Variants in FGF14 observed in about 807,000 individuals in gnomAD.
FGF14 encodes fibroblast growth factor homologous factor 4.
In FGF14, 5 loss-of-function variants were observed where a neutral mutation model predicts 25.5. The observed-to-expected ratio is 0.20, with a 90% CI of 0.10 to 0.41. The LOEUF is 0.41. FGF14 is among the 10% of genes least tolerant of loss of function. The pLI is 1.00. For synonymous variants in FGF14, 138 were observed against 118.3 expected (o/e 1.17, Z -1.08); for missense variants, 222 against 320.1 (o/e 0.69, Z 2.34).
Position 102,398,013 on chromosome 13 carries a change from A to AGTGTGTGTGT in FGF14, c.208+3448_208+3457dup, listed in dbSNP as rs3067869. ...CTGCTAGGAAAGTAGGACATTTAAG[A>AGTGTGTGTGT]GTGTGTGTGTGTGTGTGTGTGTGTG... is the stretch of plus-strand genomic sequence containing the variant. On this transcript the variant is annotated intron_variant, in intron 1 of 4. Coordinates refer to the FGF14 transcript ENST00000376131. Among the ~76,000 whole-genome samples, 1,120 of 147,238 alleles carry AGTGTGTGTGT rather than the reference A, an allele frequency of 7.6e-3. 5 individuals carry two copies. The highest frequency in any genetic ancestry group is 0.014 in the African/African-American group (562 of 39,984).
chr13:102,182,765 T>C (rs1022528096), intron 1 of FGF14, among the ~76,000 whole-genome samples: 1 of 152,184 alleles, frequency 6.6e-6, no homozygotes, highest in Non-Finnish European at 1.5e-5. Flanking sequence ...ATACTACATT[T>C]CTTGCCCAAT....
chr13:101,756,334 T>C (rs776992818), intron 3 of FGF14, among the ~76,000 whole-genome samples: 2 of 152,356 alleles, frequency 1.3e-5, no homozygotes, highest in African/African-American at 2.4e-5. Flanking sequence ...ATGAAAGTCA[T>C]TTGTACCTGA....
chr13:102,175,033 C>A (rs1431571794), intron 1 of FGF14, among the ~76,000 whole-genome samples: 1 of 152,078 alleles, frequency 6.6e-6, no homozygotes. Context: ...CTGCCCAAAG[C>A]AATCTGCAGA....
At position 101,760,746 on chromosome 13, in the gene FGF14, C is replaced by T. The variant is rs551062431; in HGVS notation, c.409-33936G>A. On this transcript the variant is annotated intron_variant, in intron 3 of 4. Transcript: ENST00000376143. ...TTCCTTCCAGCCTCCCTGGTATTCC[C>T]CGTCTTGCTTCCATTACTTTATTTT... Among the ~76,000 whole-genome samples, 17 of 152,300 alleles carry T rather than the reference C, an allele frequency of 1.1e-4. No individual in the cohort carries two copies. The South Asian group carries it at 2.5e-3, about 22-fold the overall frequency.
intron 3 of FGF14, among the ~76,000 whole-genome samples, chr13:101,836,984 T>C (rs2042955242): frequency 6.6e-6 from 1 of 152,118 alleles, no homozygotes; most frequent in Non-Finnish European, 1.5e-5. Flanking sequence ...TTAGACTTTC[T>C]TTTAGCATCT....
chr13:102,276,330 TAC>T (rs1279122309), intron 1 of FGF14, among the ~76,000 whole-genome samples: 1 of 56,080 alleles, frequency 1.8e-5, no homozygotes. Flanking sequence ...CACACACACG[TAC>T]GTGTGTGTGT....
At chr13:102,022,459 T>G (rs371820551) in intron 1 of FGF14, among the ~76,000 whole-genome samples, 1 of 152,216 alleles carries the variant, frequency 6.6e-6, no homozygotes, top group Non-Finnish European at 1.5e-5. Context: ...GATGGCATTA[T>G]CAACCTCCCT....
At chr13:101,848,527 G>T (rs2043583852) in intron 3 of FGF14, among the ~76,000 whole-genome samples, 1 of 152,050 alleles carries the variant, frequency 6.6e-6, no homozygotes, top group Non-Finnish European at 1.5e-5. Flanking sequence ...CAGCGAGAAT[G>T]AGGTTTAGAT....
At chr13:101,760,685 T>C (rs914053186) in intron 3 of FGF14, among the ~76,000 whole-genome samples, 6 of 152,346 alleles carry the variant, frequency 3.9e-5, no homozygotes, top group African/African-American at 1.4e-4. Context: ...TGAGCATCTA[T>C]TGCATGCTGA....
rs145104739 is a variant in FGF14, at chr13:102,086,582, A to G, written c.209-211286T>C. On this transcript the variant is annotated intron_variant, in intron 1 of 4. Transcript: ENST00000376131. Reference sequence around the variant, plus strand: ...TTTTATCAAAGCCTTTCATTTTCCAAATGAGAATTTAAGGTATTTTCTCAA... The same window carrying G: ...TTTTATCAAAGCCTTTCATTTTCCAGATGAGAATTTAAGGTATTTTCTCAA... Among the ~76,000 whole-genome samples the G allele has an allele frequency of 6.8e-4, 103 of 152,350 alleles. 1 individual carries two copies. The Middle Eastern group carries it at 0.014, about 20-fold the overall frequency.
chr13:102,005,391 A>T (rs147819222), intron 1 of FGF14, among the ~76,000 whole-genome samples: 23 of 152,318 alleles, frequency 1.5e-4, no homozygotes, highest in Admixed American at 7.8e-4. Context: ...CCAGCACCAT[A>T]CAAAACATTT....
rs553861686 is a variant in FGF14, at chr13:102,381,664, A to G, written c.208+19807T>C. The stretch of plus-strand genomic sequence containing the variant: ...GGATATTAATTTCTTGAAAGTGCTT[A>G]TATGTTTCACAAGAGTATTAATTTT... On this transcript the variant is annotated intron_variant, in intron 1 of 4. Coordinates refer to the FGF14 transcript ENST00000376131. 3.9e-5 allele frequency among the ~76,000 whole-genome samples: 6 copies of G among 152,332 alleles called. No individual in the cohort carries two copies. In the South Asian group the frequency reaches 1.0e-3, roughly 26 times the overall value.
At chr13:101,862,079 G>A (rs891198973) in intron 3 of FGF14, among the ~76,000 whole-genome samples, 3 of 152,106 alleles carry the variant, frequency 2.0e-5, no homozygotes, top group Non-Finnish European at 4.4e-5. Flanking sequence ...TTTTGGTATG[G>A]TAGGAAACTG....
chr13:102,352,215 C>T (rs952971180), intron 1 of FGF14, among the ~76,000 whole-genome samples: 8 of 149,824 alleles, frequency 5.3e-5, no homozygotes, highest in African/African-American at 2.0e-4. Flanking sequence ...ATAAAATACC[C>T]AAACAACCAC....
intron 1 of FGF14, among the ~76,000 whole-genome samples, chr13:101,908,062 G>A (rs1411019854): frequency 2.0e-5 from 3 of 152,182 alleles, no homozygotes; most frequent in African/African-American, 4.8e-5. Context: ...ATAGCTGAGA[G>A]TAGAAATGGG....
At chr13:101,918,314 G>A (rs1428827326), upstream of FGF14, among the ~76,000 whole-genome samples, 2 of 152,100 alleles carry the variant, frequency 1.3e-5, no homozygotes, top group African/African-American at 2.4e-5. Context: ...CTCTGGCTCC[G>A]GGCTTCTTAC....
intron 3 of FGF14, among the ~76,000 whole-genome samples, chr13:101,769,450 T>C (rs1167566095): frequency 6.6e-6 from 1 of 152,148 alleles, no homozygotes; most frequent in East Asian, 1.9e-4. Context: ...GTCATACTCC[T>C]TGATATGTAC....
chr13:101,754,425 C>A (rs1291624526), intron 3 of FGF14, among the ~76,000 whole-genome samples: 1 of 152,018 alleles, frequency 6.6e-6, no homozygotes, highest in Non-Finnish European at 1.5e-5. Flanking sequence ...TAGAGTATAC[C>A]TTCATTTTAA....
At chr13:101,950,211 C>T (rs1033597109) in intron 1 of FGF14, among the ~76,000 whole-genome samples, 3 of 152,130 alleles carry the variant, frequency 2.0e-5, no homozygotes, top group Non-Finnish European at 4.4e-5. Flanking sequence ...TCTCTCCAGA[C>T]ATTCCAAGTT....
Sources: gnomAD v4.1 joint callset for allele counts (sites outside exome capture counted in the v4.1 genomes callset) on GRCh38, gnomAD v4.1.1 for gene constraint, MANE v1.5 for transcripts, NCBI Gene and HGNC (gene_info 2026-07-23, HGNC 2026-07-21) for gene names.